Variants in ADAMTS12 observed in about 807,000 individuals in gnomAD.
ADAMTS12 encodes ADAM metallopeptidase with thrombospondin type 1 motif 12.
ADAMTS12 carries 118 observed loss-of-function variants against 167.8 expected under a neutral mutation model. That is an observed-to-expected ratio of 0.70 (90% CI 0.61 to 0.82). The LOEUF (loss-of-function observed/expected upper bound fraction) is 0.82, where lower values mean the gene tolerates loss of function less well. Among genes scored for constraint, ADAMTS12 ranks in the 40% least tolerant of loss-of-function variants. The pLI is 0.00. For synonymous variants in ADAMTS12, 704 were observed against 716.9 expected (o/e 0.98, Z 0.29); for missense variants, 1,916 against 1,998.8 (o/e 0.96, Z 0.79).
rs372349555 is a variant in ADAMTS12, at chr5:33,624,066, G to A, written c.2143+165C>T. Among the ~76,000 whole-genome samples the A allele has an allele frequency of 3.3e-4, 50 of 152,270 alleles. No individual in the cohort carries two copies. In the East Asian group the frequency reaches 4.1e-3, roughly 12 times the overall value. On this transcript the variant is annotated intron_variant, in intron 14 of 23. Coordinates refer to ENST00000504830, the MANE Select transcript of ADAMTS12 (RefSeq NM_030955.4). ...AATCAACCCGTTTCCTACAACTGCC[G>A]AAGAACCCTTCCTCCTTTGTGGTAA... is the stretch of plus-strand genomic sequence containing the variant.
chr5:33,860,669 C>T (rs1272679138), intron 2 of ADAMTS12, among the ~76,000 whole-genome samples: 2 of 152,174 alleles, frequency 1.3e-5, no homozygotes, highest in Non-Finnish European at 2.9e-5. Context: ...GGGAATACCA[C>T]AAAGATACTC....
intron 3 of ADAMTS12, among the ~76,000 whole-genome samples, chr5:33,703,475 G>C (rs1306624922): frequency 1.3e-5 from 2 of 151,934 alleles, no homozygotes; most frequent in African/African-American, 4.8e-5. Context: ...TTAATCATAG[G>C]CCCTATATTG....
At chr5:33,556,754 C>T (rs961211702) in intron 20 of ADAMTS12, among the ~76,000 whole-genome samples, 4 of 152,148 alleles carry the variant, frequency 2.6e-5, no homozygotes, top group Non-Finnish European at 5.9e-5. Flanking sequence ...GGACACAGCT[C>T]GGCTCACTCA....
chr5:33,632,626 G>T lies in ADAMTS12; in HGVS notation c.1889-1713C>A, dbSNP rs1402219402. On this transcript the variant is annotated intron_variant, in intron 12 of 23. Transcript: ENST00000504830. ...AGCTCCATTTCTGGTAGCACGATTA[G>T]CTCTGTTACTGCGCAAACTGGAATA... 2.0e-5 allele frequency among the ~76,000 whole-genome samples: 3 copies of T among 152,254 alleles called. No individual in the cohort carries two copies. The East Asian group carries it at 5.8e-4, about 29-fold the overall frequency.
At chr5:33,612,813 C>G (rs1476958825) in intron 16 of ADAMTS12, among the ~76,000 whole-genome samples, 1 of 152,202 alleles carries the variant, frequency 6.6e-6, no homozygotes, top group East Asian at 1.9e-4. Context: ...ACTCTCCTAT[C>G]AACACCACTC....
rs148555781 is a variant in ADAMTS12 at position 33,562,176 on chromosome 5, A to AG, written c.3973-998dup. Reference sequence around the variant, plus strand: ...CGATTGTGCCTTTTAGCAAGCTCCCAGGTGCTGCTGATGCTGTTGGTCCTC... The same window carrying AG: ...CGATTGTGCCTTTTAGCAAGCTCCCAGGGTGCTGCTGATGCTGTTGGTCCTC... On this transcript the variant is annotated intron_variant, in intron 19 of 23. Coordinates refer to ENST00000504830, the MANE Select transcript of ADAMTS12 (RefSeq NM_030955.4). 5.5e-3 allele frequency among the ~76,000 whole-genome samples: 833 copies of AG among 152,282 alleles called. 20 individuals are homozygous for AG. Among genetic ancestry groups the AG allele is most frequent in the East Asian group, 0.037 (192 of 5,178 alleles).
At chr5:33,535,423 C>T (rs1236604019) in intron 22 of ADAMTS12, among the ~76,000 whole-genome samples, 1 of 152,078 alleles carries the variant, frequency 6.6e-6, no homozygotes, top group South Asian at 2.1e-4. Context: ...TGAGACCCAG[C>T]CAGAGATTCC....
chr5:33,585,095 A>T (rs1299681504), intron 18 of ADAMTS12, among the ~76,000 whole-genome samples: 1 of 152,070 alleles, frequency 6.6e-6, no homozygotes, highest in Non-Finnish European at 1.5e-5. Context: ...CCAAGGAAAA[A>T]GATGGCATAG....
intron 3 of ADAMTS12, among the ~76,000 whole-genome samples, chr5:33,740,455 C>T (rs1744526611): frequency 1.3e-5 from 2 of 152,206 alleles, no homozygotes; most frequent in South Asian, 2.1e-4. Flanking sequence ...GGGCCCACCA[C>T]TCCAACCCAC....
chr5:33,779,021 C>T (rs373223878), intron 2 of ADAMTS12, among the ~76,000 whole-genome samples: 58 of 151,956 alleles, frequency 3.8e-4, no homozygotes, highest in African/African-American at 1.3e-3. Flanking sequence ...GGGAAGGCAG[C>T]GTGTGGAGAA....
chr5:33,553,504 T>G (rs1204067838), intron 20 of ADAMTS12, among the ~76,000 whole-genome samples: 1 of 152,164 alleles, frequency 6.6e-6, no homozygotes, highest in African/African-American at 2.4e-5. Context: ...GAAAATGTGG[T>G]AATATACACT....
In ADAMTS12 at chr5:33,643,589, G is replaced by A. The variant is rs1362687304; in HGVS notation, c.1480-119C>T. Reference sequence around the variant, plus strand: ...CACAATAAATGCCACTGTTGTTAGTGACTAAGAGTGACAGAAAGCAATCAT... The same window carrying A: ...CACAATAAATGCCACTGTTGTTAGTAACTAAGAGTGACAGAAAGCAATCAT... On this transcript the variant is annotated intron_variant, in intron 9 of 23. Coordinates refer to ENST00000504830, the MANE Select transcript of ADAMTS12 (RefSeq NM_030955.4). 4 of 811,482 alleles carry A rather than the reference G, an allele frequency of 4.9e-6. No homozygotes were observed. In the African/African-American group the frequency reaches 6.8e-5, roughly 14 times the overall value. The allele number at this position is 811,482 out of a possible 1,614,324, so 50.3% of individuals were successfully genotyped here.
intron 20 of ADAMTS12, among the ~76,000 whole-genome samples, chr5:33,551,802 A>G (rs1040436478): frequency 1.3e-5 from 2 of 152,250 alleles, no homozygotes; most frequent in Admixed American, 6.5e-5. Flanking sequence ...TTTTCAAAAG[A>G]GCCTCTGATT....
chr5:33,537,148 T>C (rs1483326459), intron 22 of ADAMTS12, among the ~76,000 whole-genome samples: 1 of 152,002 alleles, frequency 6.6e-6, no homozygotes, highest in African/African-American at 2.4e-5. Flanking sequence ...GGAGTGAGTA[T>C]TAGTTTGGTA....
At chr5:33,840,357 C>T (rs1422649958) in intron 2 of ADAMTS12, 1 of 152,254 alleles carries the variant, frequency 6.6e-6, no homozygotes, top group Non-Finnish European at 1.5e-5. Context: ...CTAACACTAT[C>T]TCCTTGCTTC....
At chr5:33,730,277 A>G (rs1022301518) in intron 3 of ADAMTS12, among the ~76,000 whole-genome samples, 11 of 139,600 alleles carry the variant, frequency 7.9e-5, no homozygotes, top group Non-Finnish European at 1.3e-4. Flanking sequence ...TTATGAGATC[A>G]GAGTCCATTA....
intron 2 of ADAMTS12, among the ~76,000 whole-genome samples, chr5:33,782,457 T>C (rs1746168465): frequency 1.3e-5 from 2 of 152,002 alleles, no homozygotes; most frequent in African/African-American, 4.8e-5. Context: ...TGACATTAAA[T>C]GTGAATAGAA....
intron 5 of ADAMTS12, among the ~76,000 whole-genome samples, chr5:33,680,743 T>C (rs1206186476): frequency 1.3e-5 from 2 of 152,196 alleles, no homozygotes; most frequent in Non-Finnish European, 2.9e-5. Context: ...AATGAGGGGA[T>C]AGGCAAGATG....
chr5:33,751,366 A>T (rs371441755), intron 3 of ADAMTS12, 38 bp downstream of exon 3: 1 of 1,614,006 alleles, frequency 6.2e-7, no homozygotes, highest in East Asian at 2.2e-5. Context: ...AGAACAAAAC[A>T]GATTCTTCAA....
Sources: allele counts gnomAD v4.1 joint callset (sites outside exome capture counted in the v4.1 genomes callset), GRCh38; gene constraint gnomAD v4.1.1; transcripts MANE v1.5; gene names NCBI Gene and HGNC (gene_info 2026-07-23, HGNC 2026-07-21).